EHHADH: variants seen among roughly 807,000 people sequenced by gnomAD.
The protein encoded by EHHADH is peroxisomal bifunctional enzyme.
EHHADH carries 48 observed loss-of-function variants against 64.4 expected under a neutral mutation model. That is an observed-to-expected ratio of 0.75 (90% CI 0.59 to 0.95). The LOEUF (loss-of-function observed/expected upper bound fraction) is 0.95. Among genes scored for constraint, EHHADH ranks in the 40% least tolerant of loss-of-function variants. The pLI is 0.00. For missense variants in EHHADH, 854 were observed against 876.6 expected (o/e 0.97, Z 0.33); for synonymous variants, 308 against 326.7 (o/e 0.94, Z 0.62).
chr3:185,194,800 C>CAAGAAAAAAAAAAA (rs1718012962), intron 6 of EHHADH, among the ~76,000 whole-genome samples: 1 of 29,302 alleles, frequency 3.4e-5, no homozygotes, highest in Non-Finnish European at 6.3e-5. Flanking sequence ...GACCCTGTCT[C>CAAGAAAAAAAAAAA]AAAAAAAAAA....
rs1278149839 is a variant in EHHADH, at chr3:185,235,364, C to T, written c.277G>A (p.Ala93Thr). 4.3e-6 allele frequency: 7 copies of T among 1,613,926 alleles called. No homozygotes were observed. In the East Asian group the frequency reaches 6.7e-5, roughly 15 times the overall value. ...CCTCCGAAAGCCATGCCTTGGATTG[C>T]TGCCACCACGGGCTTCTCATTTCTC... Reference protein sequence around the residue: ...IQRNEKPVVAAIQGMAFGGGL... With the variant: ...IQRNEKPVVATIQGMAFGGGL... The change falls in exon 3 of 7, where the codon GCA (alanine) becomes ACA (threonine). Residue 93 changes from alanine to threonine, a missense_variant. Ala to Thr is a moderately conservative substitution (Grantham distance 58). Coordinates refer to ENST00000231887, the MANE Select transcript of EHHADH (RefSeq NM_001966.4).
At chr3:185,246,130 T>C (rs1374961904) in intron 2 of EHHADH, 6 of 1,200,044 alleles carry the variant, frequency 5.0e-6, no homozygotes, top group Non-Finnish European at 7.5e-6. Flanking sequence ...TTCTTGAACA[T>C]CACTTTCAAT....
In EHHADH at chr3:185,229,560, G is replaced by A; in HGVS notation, c.352-17C>T. 1 of 1,478,602 alleles carries A rather than the reference G, an allele frequency of 6.8e-7. No homozygotes were observed. Among genetic ancestry groups the A allele is most frequent in the Non-Finnish European group, 9.2e-7 (1 of 1,092,406 alleles). 91.6% of individuals were successfully genotyped at this position (1,478,602 alleles called of 1,614,324 possible). On this transcript the variant is annotated splice_polypyrimidine_tract_variant and intron_variant, in intron 3 of 6. Transcript: ENST00000231887. ...AACTTGAGCCTATCAAAGATTGAAG[G>A]CATAAAGGCCATTAGCATGAGATGG...
At chr3:185,193,611 A>G in intron 6 of EHHADH, 124 bp from the exon 7 acceptor site, 1 of 1,126,680 alleles carries the variant, frequency 8.9e-7, no homozygotes, top group South Asian at 1.6e-5. Flanking sequence ...AAGAAACACA[A>G]ATGGATTGAG....
At chr3:185,202,376 T>C (rs893642866) in intron 6 of EHHADH, among the ~76,000 whole-genome samples, 1 of 148,418 alleles carries the variant, frequency 6.7e-6, no homozygotes, top group Non-Finnish European at 1.5e-5. Flanking sequence ...GAATCAAGGG[T>C]AGACCTCAAC....
intron 6 of EHHADH, among the ~76,000 whole-genome samples, chr3:185,198,086 TG>T (rs1252418167): frequency 6.6e-6 from 1 of 152,120 alleles, no homozygotes; most frequent in African/African-American, 2.4e-5. Flanking sequence ...CGTGAGCCAC[TG>T]TGCCTGGCCC....
At chr3:185,250,676 A>T (rs1719722657) in intron 1 of EHHADH, among the ~76,000 whole-genome samples, 1 of 143,470 alleles carries the variant, frequency 7.0e-6, no homozygotes, top group South Asian at 2.3e-4. Flanking sequence ...TAAAACCCCA[A>T]GAAATAAAAA....
chr3:185,231,775 T>C (rs1272277304), intron 3 of EHHADH, among the ~76,000 whole-genome samples: 1 of 152,182 alleles, frequency 6.6e-6, no homozygotes, highest in Non-Finnish European at 1.5e-5. Context: ...AGTAGATTAG[T>C]AGGTGCTTAG....
chr3:185,235,704 G>A (rs1719273027), intron 2 of EHHADH, among the ~76,000 whole-genome samples: 1 of 151,894 alleles, frequency 6.6e-6, no homozygotes, highest in African/African-American at 2.4e-5. Flanking sequence ...ATCTTTACCA[G>A]GAATTCTGTA....
rs1717942955 is a variant in EHHADH at position 185,192,916 on chromosome 3, G to A, written c.1482C>T (p.Phe494=). The A allele has an allele frequency of 6.2e-7, 1 of 1,613,080 alleles. No individual in the cohort carries two copies. Among genetic ancestry groups the A allele is most frequent in the South Asian group, 1.1e-5 (1 of 91,014 alleles). ...MLNPYYNQAY[F]LLEEGSKPEE... is the part of the protein sequence containing the mutation. ...CTGGTTTGCTGCCTTCTTCTAACAA[G>A]AAATATGCCTGATTGTAGTAAGGAT... The change falls in exon 7 of 7, where the codon TTC becomes TTT. Residue 494 remains phenylalanine (F), a synonymous_variant. Coordinates refer to ENST00000231887, the MANE Select transcript of EHHADH (RefSeq NM_001966.4).
rs1454791412 is a variant in EHHADH at position 185,192,699 on chromosome 3, C to T, written c.1699G>A (p.Glu567Lys). ...GTCTTCTGGCCAAATCGTCCTAATT[C>T]ACAGAGCACATCAGGAATTGGGCAG... ...RYCPIPDVLC[E>K]LGRFGQKTGK... Residue 567 changes from glutamate to lysine, a missense_variant, in exon 7 of 7, where the codon GAA becomes AAA. By Grantham distance (56) the Glu-to-Lys change is moderately conservative. Transcript: ENST00000231887. 6.2e-7 allele frequency: 1 copy of T among 1,614,058 alleles called. No homozygotes were observed. The highest frequency in any genetic ancestry group is 8.5e-7 in the Non-Finnish European group (1 of 1,180,036).
chr3:185,238,386 A>G (rs185051712), intron 2 of EHHADH, among the ~76,000 whole-genome samples: 2 of 152,312 alleles, frequency 1.3e-5, no homozygotes, highest in East Asian at 1.9e-4. Flanking sequence ...ACAGTGTATA[A>G]GCATTCCCTT....
intron 1 of EHHADH, chr3:185,253,236 TA>T (rs879065101): frequency 0.082 from 7,723 of 93,858 alleles, 607 homozygotes; most frequent in African/African-American, 0.24. Flanking sequence ...CTTTTAACAT[TA>T]AAAAAAAAAA....
intron 1 of EHHADH, among the ~76,000 whole-genome samples, chr3:185,248,859 G>C (rs938786640): frequency 1.5e-4 from 23 of 152,072 alleles, no homozygotes; most frequent in Non-Finnish European, 3.4e-4. Context: ...ATTGTACAAG[G>C]AGTTATCCAA....
chr3:185,246,145 A>G (rs1394431850), intron 2 of EHHADH: 4 of 1,175,298 alleles, frequency 3.4e-6, no homozygotes, highest in Non-Finnish European at 5.1e-6. Context: ...TTCAATCTTA[A>G]GATCCTTTAC....
chr3:185,227,591 C>T (rs571250242), intron 4 of EHHADH, among the ~76,000 whole-genome samples: 6 of 151,988 alleles, frequency 3.9e-5, no homozygotes, highest in South Asian at 4.2e-4. Flanking sequence ...TTTGGGAGGC[C>T]GAGGCAGGCA....
chr3:185,218,469 T>G (rs1022052890), intron 4 of EHHADH, among the ~76,000 whole-genome samples: 1 of 152,074 alleles, frequency 6.6e-6, no homozygotes, highest in Non-Finnish European at 1.5e-5. Flanking sequence ...TGTGTGACCA[T>G]GAAGAACTGC....
chr3:185,233,511 TTAAATA>T (rs142194804), intron 3 of EHHADH, among the ~76,000 whole-genome samples: 276 of 152,288 alleles, frequency 1.8e-3, no homozygotes, highest in African/African-American at 6.4e-3. Context: ...AGTAATTACA[TTAAATA>T]TAAGTGTATT....
intron 2 of EHHADH, among the ~76,000 whole-genome samples, chr3:185,237,957 T>C (rs1039130376): frequency 2.6e-5 from 4 of 152,198 alleles, no homozygotes; most frequent in Non-Finnish European, 4.4e-5. Context: ...TGTATGTCCA[T>C]GTGTTCCCAT....
Sources: gnomAD v4.1 joint callset for allele counts (sites outside exome capture counted in the v4.1 genomes callset) on GRCh38, gnomAD v4.1.1 for gene constraint, MANE v1.5 for transcripts, NCBI Gene and HGNC (gene_info 2026-07-23, HGNC 2026-07-21) for gene names.